Variants in LEPR observed in about 807,000 individuals in gnomAD.
LEPR encodes the protein OB receptor.
Under a neutral mutation model 114.7 loss-of-function variants are expected in LEPR, and 56 were observed. The ratio of observed to expected loss-of-function variants is 0.49; its 90% CI spans 0.39 to 0.61. LEPR has a LOEUF of 0.61. Among genes scored for constraint, LEPR ranks in the 20% least tolerant of loss-of-function variants. The pLI is 0.00. For missense variants in LEPR, 1,202 were observed against 1,352.9 expected, an observed-to-expected ratio of 0.89 and a Z score of 1.75; for synonymous variants, 443 against 461.4, an observed-to-expected ratio of 0.96 and a Z score of 0.51.
intron 2 of LEPR, among the ~76,000 whole-genome samples, chr1:65,426,620 T>A (rs1646376908): frequency 6.6e-6 from 1 of 151,812 alleles, no homozygotes; most frequent in Admixed American, 6.6e-5. Context: ...AACCAACAGG[T>A]TTTGTTCATC....
At chr1:65,444,533 C>T (rs1646689448) in intron 2 of LEPR, among the ~76,000 whole-genome samples, 1 of 134,982 alleles carries the variant, frequency 7.4e-6, no homozygotes, top group Non-Finnish European at 1.5e-5. Flanking sequence ...TGGCTATTGT[C>T]AGTTTCTTTT....
At chr1:65,571,156 C>A (rs1422763773) in intron 4 of LEPR, among the ~76,000 whole-genome samples, 6 of 151,900 alleles carry the variant, frequency 3.9e-5, no homozygotes, top group Admixed American at 2.6e-4. Flanking sequence ...AATAATAATT[C>A]TTCAGGCAAG....
chr1:65,492,232 A>G (rs1317186131), intron 2 of LEPR, among the ~76,000 whole-genome samples: 3 of 152,078 alleles, frequency 2.0e-5, no homozygotes, highest in African/African-American at 7.2e-5. Flanking sequence ...CTCCAGAATC[A>G]TATATTCTTT....
intron 8 of LEPR, among the ~76,000 whole-genome samples, chr1:65,600,587 T>C (rs891943379): frequency 1.3e-5 from 2 of 152,164 alleles, no homozygotes; most frequent in Admixed American, 6.5e-5. Flanking sequence ...ACTGACGTTT[T>C]TGCAGTGCAC....
At chr1:65,480,917 C>G (rs1332024525) in intron 2 of LEPR, among the ~76,000 whole-genome samples, 2 of 152,170 alleles carry the variant, frequency 1.3e-5, no homozygotes, top group East Asian at 3.8e-4. Flanking sequence ...AACTAGCTTA[C>G]ACTCCAATAA....
rs1355939004 is a variant in LEPR at position 65,641,533 on chromosome 1, T to C, written c.*4518T>C. On this transcript the variant is annotated 3_prime_UTR_variant, in exon 20 of 20. Coordinates refer to ENST00000349533, the MANE Select transcript of LEPR (RefSeq NM_002303.6). Reference sequence around the variant, plus strand: ...CATTATGAATTATAAGCAGTGTTAATTTTGAGAAATAAAAGTCCAAAAAGA... The same window carrying C: ...CATTATGAATTATAAGCAGTGTTAACTTTGAGAAATAAAAGTCCAAAAAGA... 1 of 152,232 alleles carries C rather than the reference T, an allele frequency of 6.6e-6. No homozygotes were observed. The highest frequency in any genetic ancestry group is 1.5e-5 in the Non-Finnish European group (1 of 68,038). The allele number at this position is 152,232 out of a possible 1,614,324, so 9.4% of individuals were successfully genotyped here. A position where few individuals can be genotyped will look rare whatever the true frequency, so the allele number is the denominator to read the frequency against.
chr1:65,590,294 G>A (rs140246952), intron 5 of LEPR, among the ~76,000 whole-genome samples: 18 of 76,548 alleles, frequency 2.4e-4, no homozygotes, highest in Admixed American at 2.0e-3. Flanking sequence ...AGACTGTGTA[G>A]CAATATCGTG....
Position 65,571,971 on chromosome 1 carries a change from C to CAAAA in LEPR, c.371-340_371-337dup, listed in dbSNP as rs72311704. ...TGGGTGACAGAGTGACACCCCATCT[C>CAAAA]AAAAAAAAAAAAAAAAAAGGAAAGA... On this transcript the variant is annotated intron_variant, in intron 4 of 19. Transcript: ENST00000349533. 5.3e-3 allele frequency among the ~76,000 whole-genome samples: 322 copies of CAAAA among 60,650 alleles called. 37 individuals carry two copies. The highest frequency in any genetic ancestry group is 0.019 in the African/African-American group (276 of 14,726). The allele number at this position is 60,650 out of a possible 152,430, so 39.8% of individuals were successfully genotyped here.
chr1:65,434,222 G>A lies in LEPR; in HGVS notation c.-21+8844G>A, dbSNP rs139653513. ...GCAGTGCCTAAATATCATTTAAACA[G>A]TAAATATTAATAGGAAATATTGCTA... On this transcript the variant is annotated intron_variant, in intron 2 of 19. Coordinates refer to ENST00000349533, the MANE Select transcript of LEPR (RefSeq NM_002303.6). The A allele has an allele frequency of 1.3e-3, 1,245 of 978,922 alleles. 16 individuals are homozygous for A. In the African/African-American group the frequency reaches 0.021, roughly 16 times the overall value. The allele number at this position is 978,922 out of a possible 1,614,324, so 60.6% of individuals were successfully genotyped here.
At chr1:65,500,206 C>T (rs1391550250) in intron 2 of LEPR, among the ~76,000 whole-genome samples, 1 of 152,052 alleles carries the variant, frequency 6.6e-6, no homozygotes, top group East Asian at 1.9e-4. Flanking sequence ...GAGTCCATTA[C>T]ACCTCTTTTC....
intron 14 of LEPR, among the ~76,000 whole-genome samples, chr1:65,615,636 G>A (rs1657480786): frequency 6.6e-6 from 1 of 152,116 alleles, no homozygotes; most frequent in Admixed American, 6.6e-5. Flanking sequence ...CTTTTTAGAT[G>A]AGGAAACTCT....
chr1:65,556,610 T>A (rs1479327139), intron 2 of LEPR, among the ~76,000 whole-genome samples: 1 of 152,200 alleles, frequency 6.6e-6, no homozygotes, highest in East Asian at 1.9e-4. Flanking sequence ...ATCACCATTT[T>A]GAAATCCTTC....
At position 65,608,784 on chromosome 1, in the gene LEPR, A is replaced by G. The variant is rs199507516; in HGVS notation, c.1635A>G (p.Ala545=). 5.6e-5 allele frequency: 91 copies of G among 1,613,670 alleles called. No individual in the cohort carries two copies. The highest frequency in any genetic ancestry group is 1.6e-4 in the Middle Eastern group (1 of 6,072). Reference sequence around the variant, plus strand: ...CACTGCCTCCATCCAGTGTGAAAGCAGAAATTACTATAAACATTGGATTAT... The same window carrying G: ...CACTGCCTCCATCCAGTGTGAAAGCGGAAATTACTATAAACATTGGATTAT... ...VKPLPPSSVK[A]EITINIGLLK... is the part of the protein sequence containing the mutation. The change falls in exon 12 of 20, where the codon GCA becomes GCG. Residue 545 remains alanine (A), a synonymous_variant. Coordinates refer to ENST00000349533, the MANE Select transcript of LEPR (RefSeq NM_002303.6).
intron 2 of LEPR, among the ~76,000 whole-genome samples, chr1:65,441,964 G>A (rs906024229): frequency 6.6e-6 from 1 of 152,184 alleles, no homozygotes; most frequent in Non-Finnish European, 1.5e-5. Context: ...CTGAGGGGTA[G>A]GAGAGTGAAG....
At chr1:65,432,811 A>G (rs531788382) in intron 2 of LEPR, 1 of 549,028 alleles carries the variant, frequency 1.8e-6, no homozygotes, top group East Asian at 1.5e-4. Flanking sequence ...GTAAATTTCT[A>G]ATGTTCTCAT....
intron 17 of LEPR, among the ~76,000 whole-genome samples, chr1:65,620,571 A>C (rs1241996105): frequency 6.6e-6 from 1 of 152,176 alleles, no homozygotes; most frequent in Non-Finnish European, 1.5e-5. Context: ...AAGCAAGATA[A>C]AGGGATGGCA....
chr1:65,446,516 C>T (rs1017057177), intron 2 of LEPR, among the ~76,000 whole-genome samples: 1 of 152,080 alleles, frequency 6.6e-6, no homozygotes, highest in African/African-American at 2.4e-5. Context: ...CAGCGAGGTC[C>T]CTTCTGACTA....
chr1:65,511,429 TACACACACACACACAC>T (rs5774756), intron 2 of LEPR, among the ~76,000 whole-genome samples: 7,297 of 147,646 alleles, frequency 0.049, 213 homozygotes, highest in South Asian at 0.086. Flanking sequence ...TATATATGTA[TACACACACACACACAC>T]ACACACACAC....
At chr1:65,621,682 C>G (rs1439364069) in intron 18 of LEPR, among the ~76,000 whole-genome samples, 1 of 152,124 alleles carries the variant, frequency 6.6e-6, no homozygotes, top group African/African-American at 2.4e-5. Flanking sequence ...AAACACGAAA[C>G]ACAGCTTAAC....
Sources: allele counts gnomAD v4.1 joint callset (sites outside exome capture counted in the v4.1 genomes callset), GRCh38; gene constraint gnomAD v4.1.1; transcripts MANE v1.5; gene names NCBI Gene and HGNC (gene_info 2026-07-23, HGNC 2026-07-21).